DYRK4: variants seen among roughly 807,000 people sequenced by gnomAD.
DYRK4 encodes the protein dual specificity tyrosine phosphorylation regulated kinase 4, also known as dual specificity tyrosine-phosphorylation-regulated kinase 4.
Under a neutral mutation model 68.3 loss-of-function variants are expected in DYRK4, and 64 were observed. The ratio of observed to expected loss-of-function variants is 0.94; its 90% CI spans 0.77 to 1.15. The LOEUF is 1.15. DYRK4 is among the 50% of genes most tolerant of loss of function. The pLI is 0.00. For synonymous variants in DYRK4, 274 were observed against 289.9 expected (o/e 0.95, Z 0.56); for missense variants, 740 against 764.7 (o/e 0.97, Z 0.38).
intron 11 of DYRK4, 135 bp from the exon 12 acceptor site, chr12:4,607,192 C>A: frequency 1.1e-6 from 1 of 934,236 alleles, no homozygotes; most frequent in Non-Finnish European, 1.6e-6. Context: ...TGCTCTGCTA[C>A]TGACCAGATG....
At chr12:4,575,299 C>A (rs35931316) in intron 2 of DYRK4, among the ~76,000 whole-genome samples, 1 of 148,862 alleles carries the variant, frequency 6.7e-6, no homozygotes, top group Non-Finnish European at 1.5e-5. Flanking sequence ...CAATAACTTA[C>A]TGTGTGTGTG....
rs768998640 is a variant in DYRK4 at position 4,596,603 on chromosome 12, C to G, written c.779C>G (p.Ala260Gly). Residue 260 changes from alanine (A) to glycine (G), a missense_variant, in exon 8 of 15, where the codon GCC (alanine) becomes GGC (glycine). By Grantham distance (60) the Ala-to-Gly change is moderately conservative. Around this residue, in one of 3 missense-constraint regions of DYRK4, gnomAD observed 614 missense variants for 603.7 expected, o/e 1.02. Coordinates refer to ENST00000543431, the MANE Select transcript of DYRK4 (RefSeq NM_001394779.1). ...AATCACCTTAGGTTTCACCAGCAGG[C>G]CCTGATGGAGCTGAAGATCCTGGAA... is the stretch of plus-strand genomic sequence containing the variant. ...IRNKKRFHQQ[A>G]LMELKILEAL... 6 of 1,614,000 alleles carry G rather than the reference C, an allele frequency of 3.7e-6. No individual in the cohort carries two copies. Among genetic ancestry groups the G allele is most frequent in the Non-Finnish European group, 3.4e-6 (4 of 1,179,992 alleles).
chr12:4,595,009 G>A (rs1945001206), intron 6 of DYRK4, among the ~76,000 whole-genome samples: 1 of 152,216 alleles, frequency 6.6e-6, no homozygotes, highest in Admixed American at 6.5e-5. Flanking sequence ...CATAATCAAT[G>A]TCAAAGTTGA....
At chr12:4,598,887 G>T in intron 8 of DYRK4, 141 bp from the exon 9 acceptor site, 1 of 868,260 alleles carries the variant, frequency 1.2e-6, no homozygotes. Context: ...GAGTCTATAA[G>T]GGCATGAAAG....
At position 4,613,529 on chromosome 12, in the gene DYRK4, G is replaced by GA; in HGVS notation, c.1682dup (p.Thr562AspfsTer8). 6.2e-7 allele frequency: 1 copy of GA among 1,612,938 alleles called. No individual in the cohort carries two copies. Among genetic ancestry groups the GA allele is most frequent in the Admixed American group, 1.7e-5 (1 of 59,974 alleles). On this transcript the variant is annotated frameshift_variant, in exon 15 of 15. Transcript: ENST00000543431. LOFTEE classifies it low-confidence loss of function (END_TRUNC). The surrounding 1 kb of genome is among the most constrained non-coding windows in gnomAD (Gnocchi z 4.0). ...TCCTTTAGCAGATGAGATCACCAAA[G>GA]AGACTACAGAGAAAACAAAAGATAG...
Position 4,590,358 on chromosome 12 carries a change from T to G in DYRK4, c.242T>G (p.Val81Gly). Residue 81 changes from valine (V) to glycine (G), a missense_variant, in exon 4 of 15, where the codon GTG becomes GGG. By Grantham distance (109) the Val-to-Gly change is moderately radical. Around this residue, in one of 3 missense-constraint regions of DYRK4, gnomAD observed 56 missense variants for 89.9 expected, o/e 0.62. Transcript: ENST00000543431. Reference protein sequence around the residue: ...KNTSVTSLPFVDTKGKKNTVS... With the variant: ...KNTSVTSLPFGDTKGKKNTVS... ...ACCAGTGTTACTTCACTCCCCTTTG[T>G]GGACACCAAGGGGAAGAAGAATACG... 1 of 1,535,864 alleles carries G rather than the reference T, an allele frequency of 6.5e-7. No individual in the cohort carries two copies. The highest frequency in any genetic ancestry group is 8.7e-7 in the Non-Finnish European group (1 of 1,146,810).
At chr12:4,575,402 G>A (rs747094393) in intron 2 of DYRK4, among the ~76,000 whole-genome samples, 5 of 151,728 alleles carry the variant, frequency 3.3e-5, no homozygotes, top group African/African-American at 9.7e-5. Context: ...TCTGCCTCTC[G>A]GGATCAAGCA....
intron 10 of DYRK4, chr12:4,603,264 T>C: frequency 1.1e-6 from 1 of 895,070 alleles, no homozygotes; most frequent in East Asian, 2.5e-5. Flanking sequence ...TCATTCTCTT[T>C]TAAGTCTTGG....
At position 4,596,245 on chromosome 12, in the gene DYRK4, A is replaced by C. The variant is rs563856942; in HGVS notation, c.724A>C (p.Asn242His). 1.2e-6 allele frequency: 2 copies of C among 1,614,170 alleles called. No individual in the cohort carries two copies. The highest frequency in any genetic ancestry group is 1.7e-6 in the Non-Finnish European group (2 of 1,180,030). ...QVAKCLDHKN[N>H]ELVALKIIRN... Reference sequence around the variant, plus strand: ...GGCCAAGTGCTTGGATCACAAAAACAATGAGCTGGTGGCCCTGAAAATCAT... The same window carrying C: ...GGCCAAGTGCTTGGATCACAAAAACCATGAGCTGGTGGCCCTGAAAATCAT... Residue 242 changes from asparagine to histidine, a missense_variant, in exon 7 of 15, where the codon AAT becomes CAT. By Grantham distance (68) the Asn-to-His change is moderately conservative (BLOSUM62 1). Transcript: ENST00000543431.
chr12:4,563,224 A>G, intron 1 of DYRK4: 1 of 441,096 alleles, frequency 2.3e-6, no homozygotes, highest in Non-Finnish European at 4.6e-6. Context: ...CATGCACTCT[A>G]CCTTATTGTT....
intron 8 of DYRK4, among the ~76,000 whole-genome samples, chr12:4,597,731 C>T (rs1023678148): frequency 9.9e-5 from 15 of 152,146 alleles, no homozygotes; most frequent in Non-Finnish European, 1.8e-4. Context: ...ACTCACATCT[C>T]CATTGCAGCC....
chr12:4,602,461 C>T, intron 10 of DYRK4: 2 of 1,269,326 alleles, frequency 1.6e-6, no homozygotes, highest in South Asian at 2.4e-5. Context: ...ATTTCCCATT[C>T]CCTTTACTTC....
chr12:4,563,406 G>A (rs1179866255), intron 1 of DYRK4, among the ~76,000 whole-genome samples: 1 of 152,200 alleles, frequency 6.6e-6, no homozygotes, highest in Non-Finnish European at 1.5e-5. Flanking sequence ...GTCCTCAAGC[G>A]TGTGGAGGAC....
intron 10 of DYRK4, chr12:4,603,118 T>C: frequency 7.1e-7 from 1 of 1,406,042 alleles, no homozygotes; most frequent in Non-Finnish European, 1.0e-6. Flanking sequence ...GGAAAGAGTT[T>C]TCACTATCTG....
intron 2 of DYRK4, among the ~76,000 whole-genome samples, chr12:4,574,581 A>G (rs1320192010): frequency 6.6e-6 from 1 of 152,182 alleles, no homozygotes; most frequent in African/African-American, 2.4e-5. Flanking sequence ...AATACTATGA[A>G]TATCACCTCT....
intron 8 of DYRK4, among the ~76,000 whole-genome samples, chr12:4,598,228 G>A (rs965500603): frequency 8.5e-5 from 13 of 152,184 alleles, no homozygotes; most frequent in African/African-American, 3.1e-4. Context: ...CATTAAGAAT[G>A]AGTGGCTTGC....
chr12:4,613,580 G>C lies in DYRK4; in HGVS notation c.1732G>C (p.Gly578Arg). The change falls in exon 15 of 15, where the codon GGT becomes CGT. Residue 578 changes from glycine to arginine, a missense_variant. Transcript: ENST00000543431. This position sits in a 1 kb window ranked among gnomAD's most constrained non-coding sequence, Gnocchi z 4.0. ...DSPTKHVQHSGDQQDCLQHGA... is the reference protein window; with the variant it reads ...DSPTKHVQHSRDQQDCLQHGA... ...CCCCACGAAGCATGTTCAGCATTCA[G>C]GTGATCAGCAGGACTGTCTCCAGCA... 6.2e-7 allele frequency: 1 copy of C among 1,614,138 alleles called. No individual in the cohort carries two copies. The highest frequency in any genetic ancestry group is 1.1e-5 in the South Asian group (1 of 91,078).
At position 4,613,543 on chromosome 12, in the gene DYRK4, A is replaced by T; in HGVS notation, c.1695A>T (p.Lys565Asn). 1.2e-6 allele frequency: 2 copies of T among 1,613,898 alleles called. No individual in the cohort carries two copies. The highest frequency in any genetic ancestry group is 1.7e-6 in the Non-Finnish European group (2 of 1,179,766). Residue 565 changes from lysine (K) to asparagine (N), a missense_variant, in exon 15 of 15, where the codon AAA becomes AAT. Physicochemically the swap from Lys to Asn is moderately conservative, Grantham distance 94 (BLOSUM62 0). Around this residue, in one of 3 missense-constraint regions of DYRK4, gnomAD observed 614 missense variants for 603.7 expected, o/e 1.02. Transcript: ENST00000543431. This position sits in a 1 kb window ranked among gnomAD's most constrained non-coding sequence, Gnocchi z 4.0. ...AGATCACCAAAGAGACTACAGAGAA[A>T]ACAAAAGATAGCCCCACGAAGCATG... ...KDEITKETTE[K>N]TKDSPTKHVQ...
intron 2 of DYRK4, among the ~76,000 whole-genome samples, chr12:4,576,009 G>A (rs954586637): frequency 6.6e-5 from 10 of 152,248 alleles, no homozygotes; most frequent in South Asian, 2.1e-4. Flanking sequence ...ATTGATGAAC[G>A]AAGATTGATA....
Sources: allele counts gnomAD v4.1 joint callset (sites outside exome capture counted in the v4.1 genomes callset), GRCh38; gene constraint gnomAD v4.1.1; regional missense constraint gnomAD v4.1.1; non-coding constraint Gnocchi (gnomAD v3.1); transcripts MANE v1.5; gene names NCBI Gene and HGNC (gene_info 2026-07-23, HGNC 2026-07-21).